CTNNA2: variants seen among roughly 807,000 people sequenced by gnomAD.
The protein encoded by CTNNA2 is catenin alpha-2.
In CTNNA2, 42 loss-of-function variants were observed where a neutral mutation model predicts 101.0. The ratio of observed to expected loss-of-function variants is 0.42; its 90% CI spans 0.32 to 0.54. The LOEUF (loss-of-function observed/expected upper bound fraction) is 0.54, where lower values mean the gene tolerates loss of function less well. CTNNA2 is among the 20% of genes least tolerant of loss of function. The pLI is 0.14. For synonymous variants in CTNNA2, 450 were observed against 456.4 expected (o/e 0.99, Z 0.18); for missense variants, 871 against 1,223.1 (o/e 0.71, Z 4.29).
intron 18 of CTNNA2, 60 bp from the exon 19 acceptor site, chr2:80,647,525 C>G (rs561259057): frequency 7.5e-7 from 1 of 1,340,786 alleles, no homozygotes; most frequent in East Asian, 2.3e-5. Context: ...AGTACATCAC[C>G]ATTTTGTGAA....
At chr2:80,226,153 A>G (rs1232956579) in intron 7 of CTNNA2, among the ~76,000 whole-genome samples, 1 of 152,164 alleles carries the variant, frequency 6.6e-6, no homozygotes, top group Non-Finnish European at 1.5e-5. Context: ...TAATGGGACT[A>G]TGTGTTTTGT....
chr2:79,802,061 G>A (rs1340026816), intron 3 of CTNNA2, among the ~76,000 whole-genome samples: 1 of 151,152 alleles, frequency 6.6e-6, no homozygotes, highest in Non-Finnish European at 1.5e-5. Context: ...AAAAGAAAAG[G>A]CAGAAGCTTC....
intron 4 of CTNNA2, among the ~76,000 whole-genome samples, chr2:79,502,389 TGAAGAAA>T (rs1170990244): frequency 6.6e-6 from 1 of 152,146 alleles, no homozygotes; most frequent in East Asian, 1.9e-4. Context: ...GGCATAAAAG[TGAAGAAA>T]AATTCTACAG....
At chr2:79,968,768 A>G (rs562859435) in intron 7 of CTNNA2, among the ~76,000 whole-genome samples, 26 of 152,262 alleles carry the variant, frequency 1.7e-4, no homozygotes, top group African/African-American at 5.8e-4. Context: ...TCTGTATGTT[A>G]GTTATTTGTC....
chr2:79,893,872 C>G (rs1684473405), intron 6 of CTNNA2, among the ~76,000 whole-genome samples: 1 of 152,102 alleles, frequency 6.6e-6, no homozygotes, highest in Admixed American at 6.5e-5. Flanking sequence ...TAAACTTTCT[C>G]CTGAGCTCTA....
intron 15 of CTNNA2, chr2:80,603,723 TG>T (rs1697758092): frequency 5.6e-6 from 1 of 179,336 alleles, no homozygotes; most frequent in African/African-American, 2.4e-5. Flanking sequence ...TTTGTAGAGT[TG>T]TTATAAAGTC....
chr2:80,114,857 G>T (rs1701429349), intron 7 of CTNNA2, among the ~76,000 whole-genome samples: 1 of 152,154 alleles, frequency 6.6e-6, no homozygotes, highest in African/African-American at 2.4e-5. Context: ...TTCCATCAAA[G>T]ATGTCAGTTC....
chr2:79,705,559 G>A (rs534719644), intron 2 of CTNNA2, among the ~76,000 whole-genome samples: 1 of 152,220 alleles, frequency 6.6e-6, no homozygotes, highest in South Asian at 2.1e-4. Flanking sequence ...CAAAACGACT[G>A]TACTGATTTC....
chr2:79,217,153 A>G (rs549145279), intron 2 of CTNNA2, among the ~76,000 whole-genome samples: 1 of 152,254 alleles, frequency 6.6e-6, no homozygotes, highest in South Asian at 2.1e-4. Context: ...TAAGAAAAGG[A>G]CGCTTACCTG....
intron 3 of CTNNA2, among the ~76,000 whole-genome samples, chr2:79,780,422 A>G (rs1674336615): frequency 6.6e-6 from 1 of 152,218 alleles, no homozygotes; most frequent in African/African-American, 2.4e-5. Context: ...GGAGACCTCA[A>G]AGAATCTTAG....
intron 7 of CTNNA2, among the ~76,000 whole-genome samples, chr2:79,924,214 G>A (rs10204907): frequency 0.11 from 16,416 of 151,488 alleles, 1,143 homozygotes; most frequent in East Asian, 0.25. Context: ...GAGTTTCAAG[G>A]AATCATCTTT....
chr2:79,409,816 G>GT (rs377100214), intron 4 of CTNNA2, among the ~76,000 whole-genome samples: 4 of 141,176 alleles, frequency 2.8e-5, no homozygotes, highest in Non-Finnish European at 6.2e-5. Context: ...CTTTAAAGTA[G>GT]TTTTTTTCCA....
chr2:80,118,006 A>G (rs1701620379), intron 7 of CTNNA2, among the ~76,000 whole-genome samples: 1 of 152,304 alleles, frequency 6.6e-6, no homozygotes, highest in African/African-American at 2.4e-5. Context: ...TAGTCTGTAC[A>G]TGGAAAGAGA....
rs1675078528 is a variant in CTNNA2, at chr2:79,565,846, T to C, written c.-6+52639T>C. On this transcript the variant is annotated intron_variant, in intron 1 of 18. Coordinates refer to ENST00000402739, the MANE Select transcript of CTNNA2 (RefSeq NM_001282597.3). ...AGCTCAGTGGAGAGATCTCTGCGTG[T>C]TTAGGTTTATTGATGCATAAATGGT... Among the ~76,000 whole-genome samples the C allele has an allele frequency of 2.0e-5, 3 of 152,040 alleles. No homozygotes were observed. The South Asian group carries it at 6.2e-4, about 32-fold the overall frequency.
chr2:80,581,326 T>C (rs1695521356), intron 13 of CTNNA2, among the ~76,000 whole-genome samples: 1 of 152,162 alleles, frequency 6.6e-6, no homozygotes, highest in African/African-American at 2.4e-5. Context: ...ATCAACTTTT[T>C]TGTTTATAGA....
chr2:80,307,091 T>A (rs1677102015), intron 7 of CTNNA2, among the ~76,000 whole-genome samples: 1 of 149,910 alleles, frequency 6.7e-6, no homozygotes, highest in African/African-American at 2.4e-5. Flanking sequence ...ATATATTGCT[T>A]TTTGCATTAT....
chr2:80,516,939 T>C (rs1484847520), intron 9 of CTNNA2, among the ~76,000 whole-genome samples: 1 of 152,224 alleles, frequency 6.6e-6, no homozygotes, highest in African/African-American at 2.4e-5. Flanking sequence ...TTCATTCCTC[T>C]CATGAGGGGT....
At chr2:79,360,915 T>C (rs1052474976) in intron 3 of CTNNA2, among the ~76,000 whole-genome samples, 3 of 152,080 alleles carry the variant, frequency 2.0e-5, no homozygotes, top group East Asian at 1.9e-4. Context: ...GATCATAAAA[T>C]GCTATATGAA....
At chr2:79,572,731 G>A (rs1336834805) in intron 1 of CTNNA2, among the ~76,000 whole-genome samples, 1 of 152,140 alleles carries the variant, frequency 6.6e-6, no homozygotes, top group African/African-American at 2.4e-5. Context: ...CAGCGTGGGT[G>A]ACACACTAAG....
Sources: allele counts gnomAD v4.1 joint callset (sites outside exome capture counted in the v4.1 genomes callset), GRCh38; gene constraint gnomAD v4.1.1; transcripts MANE v1.5; gene names NCBI Gene and HGNC (gene_info 2026-07-23, HGNC 2026-07-21).